GPC5: variants seen among roughly 807,000 people sequenced by gnomAD.
GPC5 encodes glypican-5.
Under a neutral mutation model 53.9 loss-of-function variants are expected in GPC5, and 47 were observed. The ratio of observed to expected loss-of-function variants is 0.87; its 90% CI spans 0.69 to 1.11. The LOEUF (loss-of-function observed/expected upper bound fraction) is 1.11, where lower values mean the gene tolerates loss of function less well. GPC5 is among the 50% of genes most tolerant of loss of function. The pLI is 0.00. For missense variants in GPC5, 748 were observed against 713.1 expected, an observed-to-expected ratio of 1.05 and a Z score of -0.56; for synonymous variants, 286 against 263.3, an observed-to-expected ratio of 1.09 and a Z score of -0.84.
At chr13:91,718,999 T>G (rs1171873700) in intron 3 of GPC5, among the ~76,000 whole-genome samples, 1 of 152,184 alleles carries the variant, frequency 6.6e-6, no homozygotes, top group Non-Finnish European at 1.5e-5. Flanking sequence ...TGTATTTTAT[T>G]TCCAGTTTTT....
intron 7 of GPC5, among the ~76,000 whole-genome samples, chr13:92,702,901 C>G (rs566589518): frequency 1.3e-5 from 2 of 151,978 alleles, no homozygotes; most frequent in South Asian, 2.1e-4. Flanking sequence ...TTGGCTCCCC[C>G]AACCCGGCAT....
chr13:92,027,646 C>A (rs919863391), intron 6 of GPC5, among the ~76,000 whole-genome samples: 2 of 152,100 alleles, frequency 1.3e-5, no homozygotes, highest in African/African-American at 4.8e-5. Context: ...ATCTGAATAC[C>A]TTTAACTAAT....
At chr13:91,538,624 C>T (rs539184911) in intron 2 of GPC5, among the ~76,000 whole-genome samples, 3 of 150,498 alleles carry the variant, frequency 2.0e-5, no homozygotes, top group Non-Finnish European at 3.0e-5. Context: ...GCTCTGTCCC[C>T]CAGGCTGGAG....
intron 7 of GPC5, among the ~76,000 whole-genome samples, chr13:92,406,824 A>G (rs1875816759): frequency 6.6e-6 from 1 of 152,188 alleles, no homozygotes; most frequent in African/African-American, 2.4e-5. Flanking sequence ...CATATTGGAG[A>G]GAGTTCACCC....
chr13:92,448,685 G>A (rs1040877390), intron 7 of GPC5: 2 of 151,664 alleles, frequency 1.3e-5, no homozygotes, highest in African/African-American at 4.8e-5. Context: ...ATGAGCCTCA[G>A]GAAAAGTATT....
chr13:91,829,329 A>G (rs2038620634), intron 5 of GPC5, among the ~76,000 whole-genome samples: 1 of 152,118 alleles, frequency 6.6e-6, no homozygotes, highest in African/African-American at 2.4e-5. Flanking sequence ...TTAGAGACTA[A>G]AGCAATATGA....
intron 7 of GPC5, among the ~76,000 whole-genome samples, chr13:92,152,446 C>T (rs143674192): frequency 6.6e-6 from 1 of 152,152 alleles, no homozygotes; most frequent in Non-Finnish European, 1.5e-5. Context: ...CCAACTCACA[C>T]CTGTCCATTG....
chr13:92,594,734 GGA>G (rs1883813970), intron 7 of GPC5, among the ~76,000 whole-genome samples: 1 of 152,140 alleles, frequency 6.6e-6, no homozygotes, highest in South Asian at 2.1e-4. Context: ...TACAAAAAAA[GGA>G]GAAAAAATAT....
chr13:92,084,486 A>T (rs2041321059), intron 6 of GPC5, among the ~76,000 whole-genome samples: 2 of 152,214 alleles, frequency 1.3e-5, no homozygotes, highest in Admixed American at 1.3e-4. Flanking sequence ...CTACCTGGCC[A>T]TGTTTATGGA....
intron 7 of GPC5, among the ~76,000 whole-genome samples, chr13:92,534,824 A>G (rs189006931): frequency 4.4e-4 from 67 of 152,332 alleles, no homozygotes; most frequent in Non-Finnish European, 7.9e-4. Flanking sequence ...GATAAAAACA[A>G]TATGTCAAAA....
At chr13:92,791,544 A>G (rs1311936834) in intron 7 of GPC5, among the ~76,000 whole-genome samples, 1 of 152,044 alleles carries the variant, frequency 6.6e-6, no homozygotes, top group Non-Finnish European at 1.5e-5. Context: ...TCAAACAGCA[A>G]TAAGACCAAA....
rs1349906448 is a variant in GPC5, at chr13:91,429,085, A to T, written c.164-19676A>T. Among the ~76,000 whole-genome samples the T allele has an allele frequency of 2.0e-5, 3 of 152,012 alleles. No homozygotes were observed. The South Asian group carries it at 6.2e-4, about 31-fold the overall frequency. On this transcript the variant is annotated intron_variant, in intron 1 of 7. Coordinates refer to ENST00000377067, the MANE Select transcript of GPC5 (RefSeq NM_004466.6). ...CAGGCATCCACCACTGAACCTGGCT[A>T]ATTTTTATATTTTTAGTAGAGATGG...
intron 7 of GPC5, among the ~76,000 whole-genome samples, chr13:92,305,430 A>C (rs896971587): frequency 3.9e-5 from 6 of 152,204 alleles, no homozygotes; most frequent in African/African-American, 1.4e-4. Flanking sequence ...ACTGAAAAAC[A>C]AAATATCTGT....
At chr13:92,132,420 G>A (rs2041751828) in intron 6 of GPC5, among the ~76,000 whole-genome samples, 1 of 152,132 alleles carries the variant, frequency 6.6e-6, no homozygotes, top group Non-Finnish European at 1.5e-5. Context: ...TGGGAAGCTT[G>A]AAGTCTGAAA....
chr13:92,206,146 G>GT (rs780709379), intron 7 of GPC5, among the ~76,000 whole-genome samples: 16 of 131,788 alleles, frequency 1.2e-4, no homozygotes, highest in Admixed American at 4.2e-4. Flanking sequence ...TCGTTGTTGT[G>GT]TTTTTTTTAT....
chr13:92,705,037 A>C (rs1594437111), intron 7 of GPC5, among the ~76,000 whole-genome samples: 1 of 151,874 alleles, frequency 6.6e-6, no homozygotes, highest in African/African-American at 2.4e-5. Context: ...GACTGCAAAT[A>C]TGGATGTACT....
At position 91,727,145 on chromosome 13, in the gene GPC5, G is replaced by A. The variant is rs201312484; in HGVS notation, c.1021-1387G>A. Among the ~76,000 whole-genome samples the A allele has an allele frequency of 1.1e-4, 16 of 152,308 alleles. No homozygotes were observed. In the East Asian group the frequency reaches 2.9e-3, roughly 28 times the overall value. ...TAACTTTCATCTCAACTGTGTACAT[G>A]AGGCCATGCCTTATTCAGATTTGTA... On this transcript the variant is annotated intron_variant, in intron 3 of 7. Coordinates refer to ENST00000377067, the MANE Select transcript of GPC5 (RefSeq NM_004466.6).
intron 7 of GPC5, among the ~76,000 whole-genome samples, chr13:92,708,714 G>A (rs1490920892): frequency 1.3e-5 from 2 of 152,016 alleles, no homozygotes; most frequent in Non-Finnish European, 2.9e-5. Context: ...AATACGTAAG[G>A]TTGGGGAGAA....
In GPC5 at chr13:91,549,632, C is replaced by T. The variant is rs9589290; in HGVS notation, c.325+100710C>T. 8.5e-3 allele frequency among the ~76,000 whole-genome samples: 1,297 copies of T among 152,242 alleles called. 17 individuals carry two copies. The highest frequency in any genetic ancestry group is 0.03 in the African/African-American group (1,257 of 41,544). On this transcript the variant is annotated intron_variant, in intron 2 of 7. Coordinates refer to ENST00000377067, the MANE Select transcript of GPC5 (RefSeq NM_004466.6). Reference sequence around the variant, plus strand: ...CAGAGACTTCAACAAAGAAGGCATACAGATGACAAATAAACATGTGAAAAG... The same window carrying T: ...CAGAGACTTCAACAAAGAAGGCATATAGATGACAAATAAACATGTGAAAAG...
Sources: gnomAD v4.1 joint callset for allele counts (sites outside exome capture counted in the v4.1 genomes callset) on GRCh38, gnomAD v4.1.1 for gene constraint, MANE v1.5 for transcripts, NCBI Gene and HGNC (gene_info 2026-07-23, HGNC 2026-07-21) for gene names.